Variants in PELI1 observed in about 807,000 individuals in gnomAD.
The protein encoded by PELI1 is pellino E3 ubiquitin protein ligase 1.
In PELI1, 15 loss-of-function variants were observed where a neutral mutation model predicts 41.3. The ratio of observed to expected loss-of-function variants is 0.36; its 90% CI spans 0.24 to 0.56. The LOEUF (loss-of-function observed/expected upper bound fraction) is 0.56. Among genes scored for constraint, PELI1 ranks in the 20% least tolerant of loss-of-function variants. PELI1 has a pLI of 0.82. For synonymous variants in PELI1, 178 were observed against 180.1 expected (o/e 0.99, Z 0.09); for missense variants, 403 against 525.5 (o/e 0.77, Z 2.28).
chr2:64,104,528 C>T, intron 3 of PELI1, 173 bp downstream of exon 3: 1 of 1,011,566 alleles, frequency 9.9e-7, no homozygotes, highest in Non-Finnish European at 1.3e-6. Flanking sequence ...TCCAATTCCC[C>T]TTCCATATGG....
chr2:64,096,553 T>C lies in PELI1; in HGVS notation c.361A>G (p.Ser121Gly), dbSNP rs1316864466. 1.2e-6 allele frequency: 2 copies of C among 1,613,036 alleles called. No homozygotes were observed. Among genetic ancestry groups the C allele is most frequent in the Non-Finnish European group, 1.7e-6 (2 of 1,179,070 alleles). ...GACTGTGTATCAGAATTACTTTGAC[T>C]TCCAGGAACCGTGTCAGTTACTACA... ...DFVVTDTVPGSQSNSDTQSVQ... is the reference protein window; with the variant it reads ...DFVVTDTVPGGQSNSDTQSVQ... Residue 121 changes from serine (S) to glycine (G), a missense_variant, in exon 5 of 7, where the codon AGT becomes GGT. Coordinates refer to ENST00000358912, the MANE Select transcript of PELI1 (RefSeq NM_020651.4).
chr2:64,109,630 A>C (rs897181560), intron 1 of PELI1, among the ~76,000 whole-genome samples: 2 of 152,332 alleles, frequency 1.3e-5, no homozygotes, highest in East Asian at 3.9e-4. Flanking sequence ...CAGTGAGCCG[A>C]GATCAGTGCC....
intron 1 of PELI1, among the ~76,000 whole-genome samples, chr2:64,120,681 C>T (rs1381861114): frequency 2.0e-5 from 3 of 152,224 alleles, no homozygotes; most frequent in Non-Finnish European, 4.4e-5. Flanking sequence ...TTACACTATA[C>T]TGAATGATAC....
intron 3 of PELI1, among the ~76,000 whole-genome samples, chr2:64,101,352 A>G (rs988280009): frequency 6.6e-6 from 1 of 152,028 alleles, no homozygotes; most frequent in Admixed American, 6.5e-5. Flanking sequence ...CAAAAGAAAC[A>G]TTCATAGAAT....
chr2:64,134,545 CT>C (rs1681656812), intron 1 of PELI1, among the ~76,000 whole-genome samples: 1 of 152,144 alleles, frequency 6.6e-6, no homozygotes, highest in Non-Finnish European at 1.5e-5. Flanking sequence ...GCAGCCGCTA[CT>C]TTACAAAAGA....
chr2:64,120,114 T>C (rs1480071122), intron 1 of PELI1, among the ~76,000 whole-genome samples: 1 of 152,218 alleles, frequency 6.6e-6, no homozygotes, highest in Non-Finnish European at 1.5e-5. Context: ...CATTTGATGC[T>C]CATGAATACG....
intron 1 of PELI1, among the ~76,000 whole-genome samples, chr2:64,129,203 T>G (rs1558485372): frequency 6.6e-6 from 1 of 152,220 alleles, no homozygotes; most frequent in East Asian, 1.9e-4. Flanking sequence ...TTCACTGTAT[T>G]ACTTTGCAAC....
chr2:64,126,973 G>A lies in PELI1; in HGVS notation c.-70+17108C>T, dbSNP rs1380639164. Among the ~76,000 whole-genome samples the A allele has an allele frequency of 3.3e-5, 5 of 152,154 alleles. No individual in the cohort carries two copies. The East Asian group carries it at 9.6e-4, about 29-fold the overall frequency. The stretch of plus-strand genomic sequence containing the variant: ...TGTGGAAATCATGAACCATGGCTTT[G>A]TAAGCTCAGTGACTGTTAGGAAGTG... On this transcript the variant is annotated intron_variant, in intron 1 of 6. Transcript: ENST00000358912.
At chr2:64,105,883 G>A (rs964588934) in intron 2 of PELI1, among the ~76,000 whole-genome samples, 3 of 151,640 alleles carry the variant, frequency 2.0e-5, no homozygotes, top group Non-Finnish European at 4.4e-5. Context: ...GCAGGGAACA[G>A]GGACAGTTTT....
intron 1 of PELI1, among the ~76,000 whole-genome samples, chr2:64,123,888 C>G (rs2103723159): frequency 6.6e-6 from 1 of 152,258 alleles, no homozygotes; most frequent in South Asian, 2.1e-4. Flanking sequence ...GTAGAAACAA[C>G]CCAAATGTCC....
At chr2:64,109,605 G>C (rs1454705114) in intron 1 of PELI1, among the ~76,000 whole-genome samples, 5 of 152,148 alleles carry the variant, frequency 3.3e-5, no homozygotes, top group Non-Finnish European at 7.4e-5. Context: ...ACTTGAACCC[G>C]GGAGGAGGAG....
At position 64,096,614 on chromosome 2, in the gene PELI1, AG is replaced by A; in HGVS notation, c.304-5del. The A allele has an allele frequency of 3.8e-6, 6 of 1,595,312 alleles. No individual in the cohort carries two copies. In the South Asian group the frequency reaches 5.5e-5, roughly 15 times the overall value. The stretch of plus-strand genomic sequence containing the variant: ...GGCTTTCAGTCGACCGGCCAATCTG[AG>A]GGAAAAAAAAAAATACCTATAAACC... On this transcript the variant is annotated splice_polypyrimidine_tract_variant and splice_region_variant and intron_variant, in intron 4 of 6. Coordinates refer to ENST00000358912, the MANE Select transcript of PELI1 (RefSeq NM_020651.4).
Position 64,094,413 on chromosome 2 carries a change from G to A in PELI1, c.*289C>T, listed in dbSNP as rs1281899950. 6.8e-6 allele frequency: 2 copies of A among 291,974 alleles called. No homozygotes were observed. The highest frequency in any genetic ancestry group is 4.4e-5 in the African/African-American group (2 of 45,750). The allele number at this position is 291,974 out of a possible 1,614,324, so 18.1% of individuals were successfully genotyped here. A position where few individuals can be genotyped will look rare whatever the true frequency, so the allele number is the denominator to read the frequency against. On this transcript the variant is annotated 3_prime_UTR_variant, in exon 7 of 7. Coordinates refer to ENST00000358912, the MANE Select transcript of PELI1 (RefSeq NM_020651.4). The stretch of plus-strand genomic sequence containing the variant: ...AACAATTTCAGCACTGAGGATAGGT[G>A]ATTCAAAAACACTAAAAGGAAGGCA...
At chr2:64,123,910 G>C (rs1203039924) in intron 1 of PELI1, among the ~76,000 whole-genome samples, 4 of 152,150 alleles carry the variant, frequency 2.6e-5, no homozygotes, top group Admixed American at 6.5e-5. Context: ...TCAACAGTCG[G>C]ATAAACAAAA....
At chr2:64,136,456 A>C (rs1681720369) in intron 1 of PELI1, among the ~76,000 whole-genome samples, 1 of 152,238 alleles carries the variant, frequency 6.6e-6, no homozygotes. Flanking sequence ...CTAGATTCCT[A>C]ACAATTTACT....
chr2:64,122,374 A>T (rs913907451), intron 1 of PELI1, among the ~76,000 whole-genome samples: 1 of 151,804 alleles, frequency 6.6e-6, no homozygotes, highest in African/African-American at 2.4e-5. Flanking sequence ...CCAGAAAAAA[A>T]AACGAACAAA....
In PELI1 at chr2:64,125,036, A is replaced by AC. The variant is rs201105138; in HGVS notation, c.-69-16658dup. On this transcript the variant is annotated intron_variant, in intron 1 of 6. Coordinates refer to ENST00000358912, the MANE Select transcript of PELI1 (RefSeq NM_020651.4). The stretch of plus-strand genomic sequence containing the variant: ...TTACTGGTTTATTAAAAAGAATGCA[A>AC]CCCAGGAACAGCCAAATGGAAGAGA... 3.5e-3 allele frequency among the ~76,000 whole-genome samples: 460 copies of AC among 131,000 alleles called. 2 individuals carry two copies. Among genetic ancestry groups the AC allele is most frequent in the African/African-American group, 0.012 (440 of 35,272 alleles). 85.9% of individuals were successfully genotyped at this position (131,000 alleles called of 152,430 possible). A position where few individuals can be genotyped will look rare whatever the true frequency, so the allele number is the denominator to read the frequency against.
intron 1 of PELI1, among the ~76,000 whole-genome samples, chr2:64,122,290 A>G (rs549394109): frequency 1.0e-3 from 151 of 149,802 alleles, no homozygotes; most frequent in African/African-American, 3.5e-3. Flanking sequence ...ACCTCTAGCA[A>G]TTACCTCAGT....
At chr2:64,128,161 C>G (rs552956947) in intron 1 of PELI1, among the ~76,000 whole-genome samples, 2 of 152,146 alleles carry the variant, frequency 1.3e-5, no homozygotes, top group Admixed American at 6.5e-5. Flanking sequence ...AGTTTTAAAG[C>G]CTAGAAAAAT....
Sources: allele counts gnomAD v4.1 joint callset (sites outside exome capture counted in the v4.1 genomes callset), GRCh38; gene constraint gnomAD v4.1.1; transcripts MANE v1.5; gene names NCBI Gene and HGNC (gene_info 2026-07-23, HGNC 2026-07-21).